Variants in TENM1 observed in about 807,000 individuals in gnomAD.
TENM1 encodes the protein teneurin transmembrane protein 1.
In TENM1, 35 loss-of-function variants were observed where a neutral mutation model predicts 174.8. The ratio of observed to expected loss-of-function variants is 0.20; its 90% CI spans 0.15 to 0.27. The LOEUF (loss-of-function observed/expected upper bound fraction) is 0.27, where lower values mean the gene tolerates loss of function less well. Among genes scored for constraint, TENM1 ranks in the 10% least tolerant of loss-of-function variants. TENM1 has a pLI of 1.00. For synonymous variants in TENM1, 781 were observed against 798.7 expected, an observed-to-expected ratio of 0.98 and a Z score of 0.37; for missense variants, 1,633 against 2,130.1, an observed-to-expected ratio of 0.77 and a Z score of 4.59.
intron 1 of TENM1, among the ~76,000 whole-genome samples, chrX:124,936,616 C>T (rs2058247941): frequency 8.9e-6 from 1 of 112,217 alleles, no homozygotes; most frequent in African/African-American, 3.2e-5. Context: ...CTTGATGTAA[C>T]ACTAAGCAAA....
chrX:125,131,074 G>A, the TENM1 span, among the ~76,000 whole-genome samples: 2 of 111,787 alleles, frequency 1.8e-5, no homozygotes, highest in African/African-American at 6.5e-5. Flanking sequence ...TAGGAATAAA[G>A]TATTTTATTA....
chrX:124,806,529 CA>C (rs1280304098), intron 3 of TENM1, among the ~76,000 whole-genome samples: 2 of 111,724 alleles, frequency 1.8e-5, no homozygotes, highest in Admixed American at 1.9e-4. Context: ...TGTCAAAAAT[CA>C]AAAACAGAGA....
intron 3 of TENM1, among the ~76,000 whole-genome samples, chrX:124,795,151 T>C (rs1029782298): frequency 2.7e-5 from 3 of 112,308 alleles, no homozygotes; most frequent in African/African-American, 6.5e-5. Flanking sequence ...CAATGTTACA[T>C]CTCTAGCATC....
the TENM1 span, among the ~76,000 whole-genome samples, chrX:125,080,246 C>G: frequency 9.0e-6 from 1 of 111,413 alleles, no homozygotes. Flanking sequence ...AAGTATAAAA[C>G]CAGACATATT....
At chrX:125,108,248 C>T in the TENM1 span, among the ~76,000 whole-genome samples, 2 of 111,656 alleles carry the variant, frequency 1.8e-5, no homozygotes, top group African/African-American at 6.5e-5. Flanking sequence ...ATTTTCACCT[C>T]ACCATTGGCA....
chrX:124,754,043 G>A (rs1011069671), intron 3 of TENM1, among the ~76,000 whole-genome samples: 1 of 111,507 alleles, frequency 9.0e-6, no homozygotes, highest in Non-Finnish European at 1.9e-5. Context: ...CTATTGATTG[G>A]AATAGTTTCA....
chrX:124,468,338 G>A (rs2061262851), intron 22 of TENM1, among the ~76,000 whole-genome samples: 1 of 109,010 alleles, frequency 9.2e-6, no homozygotes, highest in South Asian at 4.0e-4. Flanking sequence ...ACCACGCCTG[G>A]CTAATTCCTT....
intron 14 of TENM1, among the ~76,000 whole-genome samples, chrX:124,553,623 TAAAAAAA>T (rs767529045): frequency 2.5e-5 from 2 of 79,091 alleles, no homozygotes; most frequent in East Asian, 3.8e-4. Context: ...ATCTTGCCTT[TAAAAAAA>T]AAAAAAAAAA....
At chrX:125,059,529 G>A in the TENM1 span, among the ~76,000 whole-genome samples, 1 of 110,486 alleles carries the variant, frequency 9.1e-6, no homozygotes, top group African/African-American at 3.3e-5. Flanking sequence ...TCCTCATGTT[G>A]TACATTAAAT....
At chrX:124,582,477 T>C (rs946115250) in intron 11 of TENM1, among the ~76,000 whole-genome samples, 6 of 112,223 alleles carry the variant, frequency 5.3e-5, no homozygotes, top group African/African-American at 1.9e-4. Context: ...CTTAAGTATT[T>C]TATTTTTTTG....
At chrX:125,123,779 C>T in the TENM1 span, among the ~76,000 whole-genome samples, 2 of 112,036 alleles carry the variant, frequency 1.8e-5, no homozygotes, top group African/African-American at 3.3e-5. Flanking sequence ...TTAATTTATT[C>T]CAGTGTCTTG....
chrX:124,497,286 AAG>A, intron 19 of TENM1, 21 bp from the exon 23 acceptor site: 1 of 1,176,661 alleles, frequency 8.5e-7, no homozygotes, highest in Non-Finnish European at 1.1e-6. Flanking sequence ...GGAAAACAAA[AAG>A]AGAATTTAAG....
chrX:124,743,188 G>A (rs768850406), intron 3 of TENM1, among the ~76,000 whole-genome samples: 3 of 111,037 alleles, frequency 2.7e-5, no homozygotes, highest in Non-Finnish European at 5.7e-5. Flanking sequence ...TCTCAACCTC[G>A]TAATTATTAT....
chrX:124,596,636 C>T (rs921622303), intron 11 of TENM1, among the ~76,000 whole-genome samples: 2 of 110,917 alleles, frequency 1.8e-5, no homozygotes, highest in Admixed American at 9.6e-5. Flanking sequence ...ACGTATGTGG[C>T]GATGGGGAAA....
chrX:124,991,684 T>C, the TENM1 span, among the ~76,000 whole-genome samples: 2 of 62,548 alleles, frequency 3.2e-5, no homozygotes, highest in African/African-American at 6.2e-5. Context: ...TTTTACTCCA[T>C]ATTCTTCTAA....
At chrX:124,753,880 A>T (rs1337311061) in intron 3 of TENM1, among the ~76,000 whole-genome samples, 1 of 111,595 alleles carries the variant, frequency 9.0e-6, no homozygotes. Flanking sequence ...GTGCTGCTGG[A>T]TTCAATTTGC....
At chrX:124,825,207 G>A (rs1178609038) in intron 3 of TENM1, among the ~76,000 whole-genome samples, 1 of 89,371 alleles carries the variant, frequency 1.1e-5, no homozygotes, top group Non-Finnish European at 2.1e-5. Flanking sequence ...TTGTCACCCA[G>A]GCTAGAGTGC....
chrX:124,396,405 G>A (rs2060334721), intron 27 of TENM1, among the ~76,000 whole-genome samples: 1 of 105,298 alleles, frequency 9.5e-6, no homozygotes, highest in Non-Finnish European at 1.9e-5. Flanking sequence ...TGGTTCAAGC[G>A]ATTCTCCTGC....
intron 3 of TENM1, among the ~76,000 whole-genome samples, chrX:124,886,733 T>G (rs1293252599): frequency 9.7e-6 from 1 of 102,929 alleles, no homozygotes; most frequent in Non-Finnish European, 2.0e-5. Context: ...TGAAGGTTTT[T>G]TTTTTTTTTT....
Sources: allele counts gnomAD v4.1 joint callset (sites outside exome capture counted in the v4.1 genomes callset), GRCh38; gene constraint gnomAD v4.1.1; transcripts MANE v1.5; gene names NCBI Gene and HGNC (gene_info 2026-07-23, HGNC 2026-07-21).